The following PARP4 variants were observed in gnomAD, a reference collection of about 807,000 sequenced individuals.
PARP4 encodes poly(ADP-ribose) polymerase family member 4, also known as protein mono-ADP-ribosyltransferase PARP4.
A neutral mutation model predicts 187.7 loss-of-function variants in PARP4; 120 were observed. That is an observed-to-expected ratio of 0.64 (90% CI 0.55 to 0.74). The LOEUF (loss-of-function observed/expected upper bound fraction) is 0.74, where lower values mean the gene tolerates loss of function less well. Ranked by LOEUF, PARP4 falls within the 30% of genes least tolerant of loss-of-function variation. The probability of loss-of-function intolerance (pLI) is 0.00; values close to 1 mark genes in which losing one functional copy is unlikely to be tolerated. For synonymous variants in PARP4, 654 were observed against 740.9 expected (o/e 0.88, Z 1.90); for missense variants, 1,836 against 2,070.5 (o/e 0.89, Z 2.20).
At chr13:24,488,035 G>A (rs1868419750) in intron 10 of PARP4, among the ~76,000 whole-genome samples, 1 of 150,092 alleles carries the variant, frequency 6.7e-6, no homozygotes. Flanking sequence ...GTGAAATGAA[G>A]GAAATCTAAC....
chr13:24,453,697 A>G, intron 22 of PARP4, 43 bp from the exon 23 acceptor site: 1 of 1,095,472 alleles, frequency 9.1e-7, no homozygotes, highest in Non-Finnish European at 1.4e-6. Flanking sequence ...CCACACGTTC[A>G]CTTGCTTGAG....
intron 9 of PARP4, among the ~76,000 whole-genome samples, chr13:24,492,170 G>C (rs192212132): frequency 6.6e-6 from 1 of 152,320 alleles, no homozygotes; most frequent in Admixed American, 6.5e-5. Flanking sequence ...AGTCTGAAAA[G>C]TTATTTTACA....
In PARP4 at chr13:24,475,112, T is replaced by C. The variant is rs531209408; in HGVS notation, c.1914+360A>G. Among the ~76,000 whole-genome samples the C allele has an allele frequency of 1.1e-4, 17 of 152,338 alleles. No individual in the cohort carries two copies. In the South Asian group the frequency reaches 3.1e-3, roughly 28 times the overall value. On this transcript the variant is annotated intron_variant, in intron 15 of 33. Transcript: ENST00000381989. ...GGGAGGCCTCCATGGCCATTCTGTT[T>C]ACAGGTTCAAAGCCCCTGTCTTTCA...
At chr13:24,459,948 T>G in intron 18 of PARP4, 24 bp downstream of exon 18, 1 of 1,599,476 alleles carries the variant, frequency 6.3e-7, no homozygotes, top group Non-Finnish European at 8.5e-7. Context: ...CCAAAATGCT[T>G]CTTCAAATCT....
rs1443649862 is a variant in PARP4 at position 24,437,602 on chromosome 13, T to C, written c.3667-2128A>G. 2.6e-5 allele frequency among the ~76,000 whole-genome samples: 4 copies of C among 152,174 alleles called. No individual in the cohort carries two copies. In the South Asian group the frequency reaches 6.2e-4, roughly 24 times the overall value. ...GAAGTGATACATAGGGCTGTAAGAA[T>C]ATAAAACATGCTCCTCTTCATTCAT... On this transcript the variant is annotated intron_variant, in intron 30 of 33. Coordinates refer to ENST00000381989, the MANE Select transcript of PARP4 (RefSeq NM_006437.4).
chr13:24,439,920 G>C (rs1593593834), intron 30 of PARP4, among the ~76,000 whole-genome samples: 1 of 152,332 alleles, frequency 6.6e-6, no homozygotes, highest in South Asian at 2.1e-4. Flanking sequence ...GTCCGGACCA[G>C]TGTGGGAGCC....
chr13:24,443,585 G>T (rs1215517230), intron 28 of PARP4, 65 bp downstream of exon 28: 5 of 1,200,054 alleles, frequency 4.2e-6, no homozygotes, highest in African/African-American at 1.5e-5. Flanking sequence ...CATTTCCACA[G>T]ATAAAATCAA....
chr13:24,469,809 A>G (rs1174015196), intron 16 of PARP4, 85 bp downstream of exon 16: 5 of 1,425,926 alleles, frequency 3.5e-6, no homozygotes, highest in Non-Finnish European at 3.8e-6. Flanking sequence ...CCTTGTAGCC[A>G]TGGGGACTCC....
chr13:24,505,393 A>T (rs1245223822), intron 1 of PARP4, among the ~76,000 whole-genome samples: 1 of 141,224 alleles, frequency 7.1e-6, no homozygotes, highest in Non-Finnish European at 1.6e-5. Context: ...TGATTTGTAC[A>T]ATAAGGGTTC....
intron 10 of PARP4, among the ~76,000 whole-genome samples, chr13:24,489,227 C>G (rs7331373): frequency 0.11 from 16,572 of 152,222 alleles, 982 homozygotes; most frequent in African/African-American, 0.12. Context: ...TCATCTAACG[C>G]AGGCTGCATC....
chr13:24,438,277 T>C (rs756600828), intron 30 of PARP4, among the ~76,000 whole-genome samples: 1 of 152,154 alleles, frequency 6.6e-6, no homozygotes, highest in East Asian at 1.9e-4. Flanking sequence ...ACATGTTCCA[T>C]ATGCACAGTT....
chr13:24,439,584 TGTTA>T (rs1870812574), intron 30 of PARP4, among the ~76,000 whole-genome samples: 1 of 152,194 alleles, frequency 6.6e-6, no homozygotes, highest in South Asian at 2.1e-4. Flanking sequence ...ATGTTTGCTA[TGTTA>T]GTCATTTTTA....
intron 21 of PARP4, 85 bp downstream of exon 21, chr13:24,456,256 C>T: frequency 9.5e-7 from 1 of 1,057,228 alleles, no homozygotes. Flanking sequence ...TTTTTCAGGA[C>T]AATCAATAAT....
rs769734107 is a variant in PARP4, at chr13:24,501,848, G to A, written c.133-14C>T. The A allele has an allele frequency of 7.2e-5, 107 of 1,496,252 alleles. No individual in the cohort carries two copies. The highest frequency in any genetic ancestry group is 1.0e-4 in the Admixed American group (6 of 58,310). 92.7% of individuals were successfully genotyped at this position (1,496,252 alleles called of 1,614,324 possible). A position where few individuals can be genotyped will look rare whatever the true frequency, so the allele number is the denominator to read the frequency against. On this transcript the variant is annotated splice_polypyrimidine_tract_variant and intron_variant, in intron 2 of 33. Coordinates refer to ENST00000381989, the MANE Select transcript of PARP4 (RefSeq NM_006437.4). Reference sequence around the variant, plus strand: ...TATATGTGTGCACTAAGGAAAAAAAGAGTCAATCCATTATGCATCAAGAAA... The same window carrying A: ...TATATGTGTGCACTAAGGAAAAAAAAAGTCAATCCATTATGCATCAAGAAA...
intron 17 of PARP4, among the ~76,000 whole-genome samples, chr13:24,460,577 T>C (rs764692536): frequency 1.3e-5 from 2 of 151,738 alleles, no homozygotes; most frequent in African/African-American, 4.9e-5. Flanking sequence ...CTGACCTCCA[T>C]GGCACCCAAC....
chr13:24,467,853 G>T (rs1188680504), intron 17 of PARP4, among the ~76,000 whole-genome samples: 1 of 152,106 alleles, frequency 6.6e-6, no homozygotes, highest in African/African-American at 2.4e-5. Flanking sequence ...AATATTAAGT[G>T]GCAGCCTCTC....
chr13:24,453,271 C>T (rs1310450844), intron 23 of PARP4, among the ~76,000 whole-genome samples: 5 of 150,136 alleles, frequency 3.3e-5, no homozygotes, highest in Non-Finnish European at 7.4e-5. Flanking sequence ...TTTTTTAAAC[C>T]TCAACCCTTT....
At chr13:24,426,377 TA>T in intron 33 of PARP4, 88 bp downstream of exon 33, 1 of 1,045,822 alleles carries the variant, frequency 9.6e-7, no homozygotes, top group Non-Finnish European at 1.4e-6. Context: ...TGTACACATG[TA>T]AGATAATTCC....
chr13:24,425,080 T>C (rs1260981302), intron 33 of PARP4, among the ~76,000 whole-genome samples: 6 of 152,212 alleles, frequency 3.9e-5, no homozygotes, highest in African/African-American at 7.2e-5. Flanking sequence ...CGCGGGAGGA[T>C]TGCTTGAGTT....
Sources: allele counts gnomAD v4.1 joint callset (sites outside exome capture counted in the v4.1 genomes callset), GRCh38; gene constraint gnomAD v4.1.1; transcripts MANE v1.5; gene names NCBI Gene and HGNC (gene_info 2026-07-23, HGNC 2026-07-21).